Variants in NIPBL observed in about 807,000 individuals in gnomAD.
NIPBL encodes NIPBL cohesin loading factor, also known as nipped-B-like protein.
In NIPBL, 19 loss-of-function variants were observed where a neutral mutation model predicts 321.8. The observed-to-expected ratio is 0.06, with a 90% CI of 0.04 to 0.09. NIPBL has a LOEUF of 0.09. Among genes scored for constraint, NIPBL ranks in the 10% least tolerant of loss-of-function variants. The probability of loss-of-function intolerance (pLI) is 1.00; values close to 1 mark genes in which losing one functional copy is unlikely to be tolerated. For missense variants in NIPBL, 2,210 were observed against 3,327.0 expected (o/e 0.66, Z 8.26); for synonymous variants, 1,106 against 1,114.1 (o/e 0.99, Z 0.14).
At chr5:36,935,779 G>A (rs1738340773) in intron 1 of NIPBL, among the ~76,000 whole-genome samples, 1 of 152,094 alleles carries the variant, frequency 6.6e-6, no homozygotes, top group Non-Finnish European at 1.5e-5. Flanking sequence ...ACCTTCCAAA[G>A]GCTCTAGGAA....
Position 37,003,284 on chromosome 5 carries a change from A to G in NIPBL, c.3792A>G (p.Lys1264=). The change falls in exon 16 of 47, where the codon AAA becomes AAG. Residue 1264 remains lysine, a synonymous_variant. Coordinates refer to ENST00000282516, the MANE Select transcript of NIPBL (RefSeq NM_133433.4). ...MDKLSTDKTV[K]VLNILEKNIQ... ...AGCTTTCAACTGACAAAACTGTGAA[A>G]GTCTTAAATATCTTGGAGAAGAATA... is the stretch of plus-strand genomic sequence containing the variant. 1 of 1,603,124 alleles carries G rather than the reference A, an allele frequency of 6.2e-7. No individual in the cohort carries two copies. The highest frequency in any genetic ancestry group is 8.5e-7 in the Non-Finnish European group (1 of 1,170,474).
chr5:36,971,098 A>G, intron 7 of NIPBL, 62 bp downstream of exon 7: 4 of 1,402,038 alleles, frequency 2.9e-6, no homozygotes, highest in Non-Finnish European at 4.0e-6. Context: ...ATAACCTAGT[A>G]TTTCCATTTC....
chr5:36,958,912 T>A (rs898296694), intron 4 of NIPBL, among the ~76,000 whole-genome samples: 1 of 152,100 alleles, frequency 6.6e-6, no homozygotes. Context: ...TAATTGTATT[T>A]AAGAATTTTA....
intron 1 of NIPBL, among the ~76,000 whole-genome samples, chr5:36,920,278 G>C (rs78887491): frequency 0.022 from 3,359 of 152,218 alleles, 127 homozygotes; most frequent in African/African-American, 0.078. Flanking sequence ...TTACAAGCAT[G>C]TTGTCAATTT....
At chr5:37,042,920 C>T (rs1435370934) in intron 34 of NIPBL, among the ~76,000 whole-genome samples, 1 of 151,118 alleles carries the variant, frequency 6.6e-6, no homozygotes, top group Non-Finnish European at 1.5e-5. Context: ...CACACACACA[C>T]ACATATAACT....
chr5:37,048,725 G>T, intron 39 of NIPBL, 50 bp downstream of exon 39: 1 of 1,351,646 alleles, frequency 7.4e-7, no homozygotes, highest in Non-Finnish European at 1.0e-6. Context: ...ATATTATAAT[G>T]GCTTTATCTT....
intron 1 of NIPBL, among the ~76,000 whole-genome samples, chr5:36,890,576 C>T (rs748777101): frequency 3.3e-5 from 5 of 152,060 alleles, no homozygotes; most frequent in South Asian, 2.1e-4. Context: ...GCTTTTCAAA[C>T]GGTGTATATC....
At position 37,019,307 on chromosome 5, in the gene NIPBL, A is replaced by G. The variant is rs368263380; in HGVS notation, c.4921-4A>G. 1.7e-5 allele frequency: 27 copies of G among 1,596,624 alleles called. No individual in the cohort carries two copies. Among genetic ancestry groups the G allele is most frequent in the Non-Finnish European group, 2.1e-5 (25 of 1,164,586 alleles). ...TTTTTGTTCTTATTTGGTTTATTCT[A>G]TAGGTTTCAGGAGGGGAAGATGAAA... On this transcript the variant is annotated splice_polypyrimidine_tract_variant and splice_region_variant and intron_variant, in intron 24 of 46. Coordinates refer to ENST00000282516, the MANE Select transcript of NIPBL (RefSeq NM_133433.4).
rs989732301 is a variant in NIPBL, at chr5:36,985,513, A to G, written c.2333A>G (p.Glu778Gly). The G allele has an allele frequency of 5.0e-6, 8 of 1,613,586 alleles. No homozygotes were observed. Among genetic ancestry groups the G allele is most frequent in the African/African-American group, 1.3e-5 (1 of 74,882 alleles). ...AAGCCATCTACAGAGAAAAAACCTG[A>G]AGTGTCTAAACATAAACAAGATACT... ...SGKPSTEKKP[E>G]VSKHKQDTKS... Residue 778 changes from glutamate to glycine, a missense_variant, in exon 10 of 47, where the codon GAA becomes GGA. Physicochemically the swap from Glu to Gly is moderately conservative, Grantham distance 98 (BLOSUM62 -2). Transcript: ENST00000282516.
At chr5:37,042,872 A>C (rs375365007) in intron 34 of NIPBL, among the ~76,000 whole-genome samples, 1 of 150,550 alleles carries the variant, frequency 6.6e-6, no homozygotes, top group Non-Finnish European at 1.5e-5. Context: ...AAAAACATGC[A>C]TTGAAAGCCT....
intron 9 of NIPBL, among the ~76,000 whole-genome samples, chr5:36,982,403 C>T (rs1256142412): frequency 6.6e-6 from 1 of 151,614 alleles, no homozygotes; most frequent in South Asian, 2.1e-4. Flanking sequence ...CCAAGTGAAT[C>T]AGAACATACA....
At chr5:36,947,832 T>G (rs1407917494) in intron 1 of NIPBL, among the ~76,000 whole-genome samples, 1 of 151,946 alleles carries the variant, frequency 6.6e-6, no homozygotes, top group Non-Finnish European at 1.5e-5. Flanking sequence ...CCCTAATCAT[T>G]GTTAAAGGTT....
chr5:36,948,823 T>C (rs1247381974), intron 1 of NIPBL, among the ~76,000 whole-genome samples: 1 of 151,830 alleles, frequency 6.6e-6, no homozygotes, highest in Non-Finnish European at 1.5e-5. Context: ...ACATACTAAA[T>C]GTGGTTATAA....
chr5:36,894,415 G>A (rs763346468), intron 1 of NIPBL, among the ~76,000 whole-genome samples: 6 of 152,010 alleles, frequency 3.9e-5, no homozygotes, highest in Non-Finnish European at 7.4e-5. Context: ...CAAAGGTATT[G>A]TACTATACTA....
intron 22 of NIPBL, among the ~76,000 whole-genome samples, chr5:37,015,102 G>A (rs1329216914): frequency 6.6e-6 from 1 of 151,350 alleles, no homozygotes. Context: ...GTGAAGAGAT[G>A]TTATTTAGCC....
chr5:36,952,053 T>TGTGTGTGCGTGC (rs778597604), intron 1 of NIPBL, among the ~76,000 whole-genome samples: 1 of 112,114 alleles, frequency 8.9e-6, no homozygotes, highest in East Asian at 3.5e-4. Flanking sequence ...TGTGTGTGTG[T>TGTGTGTGCGTGC]GCGCGCGCGC....
intron 9 of NIPBL, among the ~76,000 whole-genome samples, chr5:36,977,305 T>A (rs925408719): frequency 2.0e-5 from 3 of 152,018 alleles, no homozygotes; most frequent in African/African-American, 7.2e-5. Context: ...TTCTTGGTAA[T>A]GATAAAACTT....
intron 4 of NIPBL, among the ~76,000 whole-genome samples, chr5:36,958,442 T>C (rs1417046331): frequency 1.3e-5 from 2 of 152,228 alleles, no homozygotes; most frequent in African/African-American, 4.8e-5. Context: ...AAGTGTATTT[T>C]GTTAAATATG....
intron 1 of NIPBL, among the ~76,000 whole-genome samples, chr5:36,925,866 G>A (rs1041862824): frequency 3.3e-5 from 5 of 152,010 alleles, no homozygotes; most frequent in Non-Finnish European, 7.4e-5. Flanking sequence ...TGTCCAACTA[G>A]ACCAAGAACA....
Sources: gnomAD v4.1 joint callset for allele counts (sites outside exome capture counted in the v4.1 genomes callset) on GRCh38, gnomAD v4.1.1 for gene constraint, MANE v1.5 for transcripts, NCBI Gene and HGNC (gene_info 2026-07-23, HGNC 2026-07-21) for gene names.